Variants in SKOR1 observed in about 807,000 individuals in gnomAD.
SKOR1 encodes the protein SKI family transcriptional corepressor 1, also known as LBX1 corepressor 1.
SKOR1 carries 38 observed loss-of-function variants against 72.4 expected under a neutral mutation model. That is an observed-to-expected ratio of 0.52 (90% CI 0.40 to 0.69). The LOEUF (loss-of-function observed/expected upper bound fraction) is 0.69. Ranked by LOEUF, SKOR1 falls within the 30% of genes least tolerant of loss-of-function variation. The pLI is 0.00. For synonymous variants in SKOR1, 642 were observed against 599.4 expected, an observed-to-expected ratio of 1.07 and a Z score of -1.04; for missense variants, 1,320 against 1,343.2, an observed-to-expected ratio of 0.98 and a Z score of 0.27.
chr15:67,832,465 A>G lies in SKOR1; in HGVS notation c.2662+117A>G. 1.5e-6 allele frequency: 2 copies of G among 1,354,026 alleles called. No homozygotes were observed. The highest frequency in any genetic ancestry group is 2.3e-5 in the East Asian group (1 of 43,604). 83.9% of individuals were successfully genotyped at this position (1,354,026 alleles called of 1,614,324 possible). On this transcript the variant is annotated intron_variant, in intron 6 of 8. Coordinates refer to ENST00000380035, the MANE Select transcript of SKOR1 (RefSeq NM_001365915.1). The surrounding 1 kb of genome is among the most constrained non-coding windows in gnomAD (Gnocchi z 4.5). ...TGGTACTAGGTGCCCTGCAGGAGAC[A>G]AGAAACTGTCCTTTTCCAGGGCTGC...
chr15:67,830,066 G>T (rs1462388585), intron 3 of SKOR1, 125 bp from the exon 4 acceptor site: 21 of 953,152 alleles, frequency 2.2e-5, no homozygotes, highest in Middle Eastern at 5.9e-4. Flanking sequence ...TGGGCGCACA[G>T]CCGGGAACCA....
At chr15:67,828,980 C>G (rs1039549778) in intron 2 of SKOR1, among the ~76,000 whole-genome samples, 199 bp from the exon 3 acceptor site, 2 of 152,204 alleles carry the variant, frequency 1.3e-5, no homozygotes, top group Admixed American at 6.5e-5. Flanking sequence ...GTAATTTTCC[C>G]GAGGGCGCTA....
rs1260000972 is a variant in SKOR1 at position 67,827,639 on chromosome 15, G to T, written c.1811G>T (p.Ser604Ile). 3 of 1,531,014 alleles carry T rather than the reference G, an allele frequency of 2.0e-6. No individual in the cohort carries two copies. Among genetic ancestry groups the T allele is most frequent in the Non-Finnish European group, 2.6e-6 (3 of 1,144,296 alleles). 94.8% of individuals were successfully genotyped at this position (1,531,014 alleles called of 1,614,324 possible). Residue 604 changes from serine to isoleucine, a missense_variant, in exon 2 of 9, where the codon AGC becomes ATC. By Grantham distance (142) the Ser-to-Ile change is moderately radical. Coordinates refer to ENST00000380035, the MANE Select transcript of SKOR1 (RefSeq NM_001365915.1). ...AFRPVVKDTESIAKLYGSARE... is the reference protein window; with the variant it reads ...AFRPVVKDTEIIAKLYGSARE... ...CGGCCGGTGGTCAAGGACACCGAGA[G>T]CATCGCTAAGCTCTACGGGAGCGCC...
In SKOR1 at chr15:67,827,525, G is replaced by A; in HGVS notation, c.1697G>A (p.Gly566Asp). 6.6e-7 allele frequency: 1 copy of A among 1,522,576 alleles called. No homozygotes were observed. The highest frequency in any genetic ancestry group is 8.8e-7 in the Non-Finnish European group (1 of 1,142,014). The allele number at this position is 1,522,576 out of a possible 1,614,324, so 94.3% of individuals were successfully genotyped here. ...ALSRGPLDED[G>D]TDEALPPPLA... ...TCCCGCGGGCCCCTGGACGAAGACG[G>A]CACGGACGAGGCGCTGCCACCGCCC... Residue 566 changes from glycine to aspartate, a missense_variant, in exon 2 of 9, where the codon GGC becomes GAC. By Grantham distance (94) the Gly-to-Asp change is moderately conservative. Around this residue, in one of 3 missense-constraint regions of SKOR1, gnomAD observed 1,099 missense variants for 1,025.5 expected, o/e 1.07. Coordinates refer to ENST00000380035, the MANE Select transcript of SKOR1 (RefSeq NM_001365915.1).
In SKOR1 at chr15:67,830,857, T is replaced by C. The variant is rs1030228716; in HGVS notation, c.2555T>C (p.Leu852Ser). 1 of 1,614,196 alleles carries C rather than the reference T, an allele frequency of 6.2e-7. No individual in the cohort carries two copies. Among genetic ancestry groups the C allele is most frequent in the Non-Finnish European group, 8.5e-7 (1 of 1,180,046 alleles). ...ACCTTGGATGTCACAGGAACTCATT[T>C]GGTGGAGAAAGATATCGAGAACCTG... ...GLTLDVTGTHLVEKDIENLAR... is the reference protein window; with the variant it reads ...GLTLDVTGTHSVEKDIENLAR... The change falls in exon 5 of 9, where the codon TTG (leucine) becomes TCG (serine). Residue 852 changes from leucine to serine, a missense_variant. This residue lies in a region of SKOR1 where 1,099 missense variants were observed against 1,025.5 expected (regional missense o/e 1.07). Transcript: ENST00000380035.
At chr15:67,829,518 G>T (rs1465040070) in intron 3 of SKOR1, among the ~76,000 whole-genome samples, 1 of 152,202 alleles carries the variant, frequency 6.6e-6, no homozygotes, top group East Asian at 1.9e-4. Flanking sequence ...ACCCAGACAC[G>T]GCGTTAAACC....
At position 67,826,585 on chromosome 15, in the gene SKOR1, G is replaced by A; in HGVS notation, c.757G>A (p.Asp253Asn). 2 of 1,614,020 alleles carry A rather than the reference G, an allele frequency of 1.2e-6. No homozygotes were observed. The highest frequency in any genetic ancestry group is 1.7e-6 in the Non-Finnish European group (2 of 1,179,998). ...NSWRRHLKLSDKSATDELSHA... is the reference protein window; with the variant it reads ...NSWRRHLKLSNKSATDELSHA... ...CTGGCGTCGTCACCTCAAACTCAGTGACAAGTCGGCCACAGACGAACTGAG... is the reference window on the plus strand; with the variant it reads ...CTGGCGTCGTCACCTCAAACTCAGTAACAAGTCGGCCACAGACGAACTGAG... The change falls in exon 2 of 9, where the codon GAC (aspartate) becomes AAC (asparagine). Residue 253 changes from aspartate to asparagine, a missense_variant. Physicochemically the swap from Asp to Asn is conservative, Grantham distance 23. Coordinates refer to ENST00000380035, the MANE Select transcript of SKOR1 (RefSeq NM_001365915.1).
chr15:67,833,734 C>T lies in SKOR1; in HGVS notation c.2804-8C>T. On this transcript the variant is annotated splice_region_variant and splice_polypyrimidine_tract_variant and intron_variant, in intron 8 of 8. Transcript: ENST00000380035. The surrounding 1 kb of genome is among the most constrained non-coding windows in gnomAD (Gnocchi z 6.0). ...CGCCCAGAGTGACCCTCGCGACTGT[C>T]TCCCCAGAAGCCCACGACGCCCTGC... is the stretch of plus-strand genomic sequence containing the variant. 1 of 1,613,618 alleles carries T rather than the reference C, an allele frequency of 6.2e-7. No individual in the cohort carries two copies. Among genetic ancestry groups the T allele is most frequent in the Non-Finnish European group, 8.5e-7 (1 of 1,179,962 alleles).
Position 67,825,849 on chromosome 15 carries a change from A to G in SKOR1, c.108-87A>G. 6.6e-7 allele frequency: 1 copy of G among 1,514,850 alleles called. No individual in the cohort carries two copies. Among genetic ancestry groups the G allele is most frequent in the East Asian group, 2.3e-5 (1 of 44,122 alleles). 93.8% of individuals were successfully genotyped at this position (1,514,850 alleles called of 1,614,324 possible). ...ACTGCCAAGTATCCCCCGCGCGCCC[A>G]ACTCGGAGCGCCCTGCTGGGCGGGC... On this transcript the variant is annotated intron_variant, in intron 1 of 8. Coordinates refer to ENST00000380035, the MANE Select transcript of SKOR1 (RefSeq NM_001365915.1). The surrounding 1 kb of genome is among the most constrained non-coding windows in gnomAD (Gnocchi z 5.6).
chr15:67,827,456 A>G lies in SKOR1; in HGVS notation c.1628A>G (p.Lys543Arg). The change falls in exon 2 of 9, where the codon AAA becomes AGA. Residue 543 changes from lysine (K) to arginine (R), a missense_variant. Lys to Arg is a conservative substitution (Grantham distance 26, BLOSUM62 2). Around this residue, in one of 3 missense-constraint regions of SKOR1, gnomAD observed 1,099 missense variants for 1,025.5 expected, o/e 1.07. Transcript: ENST00000380035. ...CCCCTGGACGGTGCCGAGCCAGCCA[A>G]AGAGAGTGGCCTCGGCGCGGAGGAG... Reference protein sequence around the residue: ...PEPLDGAEPAKESGLGAEERC... With the variant: ...PEPLDGAEPARESGLGAEERC... 1 of 1,522,426 alleles carries G rather than the reference A, an allele frequency of 6.6e-7. No homozygotes were observed. Among genetic ancestry groups the G allele is most frequent in the Non-Finnish European group, 8.8e-7 (1 of 1,141,930 alleles). The allele number at this position is 1,522,426 out of a possible 1,614,324, so 94.3% of individuals were successfully genotyped here. A position where few individuals can be genotyped will look rare whatever the true frequency, so the allele number is the denominator to read the frequency against.
chr15:67,826,256 C>T lies in SKOR1; in HGVS notation c.428C>T (p.Ala143Val). ...CTGGAGATTCTGCGTCGGGCCGGGG[C>T]CATGCCCATCTCGTCGCGCCGCTGC... ...VQLEILRRAG[A>V]MPISSRRCGM... is the part of the protein sequence containing the mutation. Residue 143 changes from alanine to valine, a missense_variant, in exon 2 of 9, where the codon GCC (alanine) becomes GTC (valine). Ala to Val is a moderately conservative substitution (Grantham distance 64). This residue lies in a region of SKOR1 where 101 missense variants were observed against 212.8 expected (regional missense o/e 0.47). Transcript: ENST00000380035. The T allele has an allele frequency of 6.2e-7, 1 of 1,613,054 alleles. No homozygotes were observed. The highest frequency in any genetic ancestry group is 8.5e-7 in the Non-Finnish European group (1 of 1,180,020).
rs759626775 is a variant in SKOR1, at chr15:67,826,540, G to A, written c.712G>A (p.Asp238Asn). The A allele has an allele frequency of 6.2e-7, 1 of 1,613,812 alleles. No individual in the cohort carries two copies. Among genetic ancestry groups the A allele is most frequent in the African/African-American group, 1.3e-5 (1 of 74,942 alleles). ...RTPDAKYTQP[D>N]AANFNSWRRH... ...ACCCGACGCCAAGTACACGCAGCCC[G>A]ATGCCGCCAACTTCAACTCCTGGCG... Residue 238 changes from aspartate (D) to asparagine (N), a missense_variant, in exon 2 of 9, where the codon GAT becomes AAT. Physicochemically the swap from Asp to Asn is conservative, Grantham distance 23 (BLOSUM62 1). Coordinates refer to ENST00000380035, the MANE Select transcript of SKOR1 (RefSeq NM_001365915.1).
At chr15:67,830,085 C>A in intron 3 of SKOR1, 106 bp from the exon 4 acceptor site, 2 of 1,150,848 alleles carry the variant, frequency 1.7e-6, no homozygotes, top group Non-Finnish European at 1.3e-6. Flanking sequence ...CAGAGGCGGC[C>A]ACGACGCTTT....
rs1341562770 is a variant in SKOR1 at position 67,827,835 on chromosome 15, C to T, written c.2007C>T (p.Pro669=). 1 of 1,595,064 alleles carries T rather than the reference C, an allele frequency of 6.3e-7. No homozygotes were observed. Residue 669 remains proline (P), a synonymous_variant, in exon 2 of 9, where the codon CCC becomes CCT. Coordinates refer to ENST00000380035, the MANE Select transcript of SKOR1 (RefSeq NM_001365915.1). ...PEVDVESNRF[P]DDEDAQEETE... ...TGGACGTGGAATCCAACCGCTTCCC[C>T]GACGACGAGGACGCCCAAGAGGAGA...
Position 67,832,440 on chromosome 15 carries a change from T to C in SKOR1, c.2662+92T>C, listed in dbSNP as rs994471672. ...CTCCGAAAGCCGGGTGCCAGGCAAC[T>C]GGTACTAGGTGCCCTGCAGGAGACA... On this transcript the variant is annotated intron_variant, in intron 6 of 8. Coordinates refer to ENST00000380035, the MANE Select transcript of SKOR1 (RefSeq NM_001365915.1). The surrounding 1 kb of genome is among the most constrained non-coding windows in gnomAD (Gnocchi z 4.5). The C allele has an allele frequency of 3.4e-5, 48 of 1,410,628 alleles. No individual in the cohort carries two copies. The highest frequency in any genetic ancestry group is 1.9e-4 in the Middle Eastern group (1 of 5,186). 87.4% of individuals were successfully genotyped at this position (1,410,628 alleles called of 1,614,324 possible). A position where few individuals can be genotyped will look rare whatever the true frequency, so the allele number is the denominator to read the frequency against.
chr15:67,830,976 G>A, intron 5 of SKOR1, 87 bp downstream of exon 5: 1 of 1,393,874 alleles, frequency 7.2e-7, no homozygotes, highest in South Asian at 1.2e-5. Flanking sequence ...TGTAGGGGGT[G>A]AGTGTGGAAA....
chr15:67,826,007 A>C lies in SKOR1; in HGVS notation c.179A>C (p.Lys60Thr). Residue 60 changes from lysine (K) to threonine (T), a missense_variant, in exon 2 of 9, where the codon AAG (lysine) becomes ACG (threonine). Physicochemically the swap from Lys to Thr is moderately conservative, Grantham distance 78. Around this residue, in one of 3 missense-constraint regions of SKOR1, gnomAD observed 120 missense variants for 104.9 expected, o/e 1.14. Transcript: ENST00000380035. ...GREGSSSPNS[K>T]QELQPYSGSS... The stretch of plus-strand genomic sequence containing the variant: ...GAGGGCAGTTCCTCGCCCAACTCCA[A>C]GCAGGAGCTGCAGCCGTACTCGGGC... 1.3e-6 allele frequency: 2 copies of C among 1,545,772 alleles called. No homozygotes were observed. Among genetic ancestry groups the C allele is most frequent in the South Asian group, 2.5e-5 (2 of 81,160 alleles).
Position 67,827,607 on chromosome 15 carries a change from G to C in SKOR1, c.1779G>C (p.Ser593=), listed in dbSNP as rs1265399047. ...CCGCACGCAAAGGCTCCTACGTGTC[G>C]GCCTTCCGGCCGGTGGTCAAGGACA... The part of the protein sequence containing the change: ...PPPARKGSYV[S]AFRPVVKDTE... The change falls in exon 2 of 9, where the codon TCG becomes TCC. Residue 593 remains serine, a synonymous_variant. Transcript: ENST00000380035. 5 of 1,527,530 alleles carry C rather than the reference G, an allele frequency of 3.3e-6. No homozygotes were observed. Among genetic ancestry groups the C allele is most frequent in the Non-Finnish European group, 4.4e-6 (5 of 1,143,900 alleles). The allele number at this position is 1,527,530 out of a possible 1,614,324, so 94.6% of individuals were successfully genotyped here.
intron 3 of SKOR1, among the ~76,000 whole-genome samples, 172 bp from the exon 4 acceptor site, chr15:67,830,019 T>TG (rs1475853492): frequency 3.0e-4 from 45 of 151,338 alleles, no homozygotes; most frequent in Admixed American, 2.9e-3. Flanking sequence ...GGCGCGGGGG[T>TG]GGGGGGTGCC....
Sources: gnomAD v4.1 joint callset for allele counts (sites outside exome capture counted in the v4.1 genomes callset) on GRCh38, gnomAD v4.1.1 for gene constraint, gnomAD v4.1.1 regional missense constraint, Gnocchi (gnomAD v3.1) non-coding constraint, MANE v1.5 for transcripts, NCBI Gene and HGNC (gene_info 2026-07-23, HGNC 2026-07-21) for gene names.